Variants in AFDN observed in about 807,000 individuals in gnomAD.
AFDN encodes afadin, adherens junction formation factor, also known as afadin.
AFDN carries 68 observed loss-of-function variants against 216.6 expected under a neutral mutation model. That is an observed-to-expected ratio of 0.31 (90% CI 0.26 to 0.38). The LOEUF (loss-of-function observed/expected upper bound fraction) is 0.38, where lower values mean the gene tolerates loss of function less well. Ranked by LOEUF, AFDN falls within the 10% of genes least tolerant of loss-of-function variation. The pLI is 1.00. For synonymous variants in AFDN, 868 were observed against 853.7 expected (o/e 1.02, Z -0.29); for missense variants, 2,136 against 2,342.0 (o/e 0.91, Z 1.82).
chr6:167,907,204 T>G lies in AFDN; in HGVS notation c.1684T>G (p.Ser562Ala). 1 of 1,614,192 alleles carries G rather than the reference T, an allele frequency of 6.2e-7. No homozygotes were observed. Among genetic ancestry groups the G allele is most frequent in the Non-Finnish European group, 8.5e-7 (1 of 1,180,010 alleles). ...TTRLDSDRVS[S>A]ASSTAERGMV... ...TAGGCTGGACAGCGACAGAGTGTCGTCTGCCTCTAGCACAGCCGAGCGGGG... is the reference window on the plus strand; with the variant it reads ...TAGGCTGGACAGCGACAGAGTGTCGGCTGCCTCTAGCACAGCCGAGCGGGG... The change falls in exon 13 of 34, where the codon TCT becomes GCT. Residue 562 changes from serine to alanine, a missense_variant. Physicochemically the swap from Ser to Ala is moderately conservative, Grantham distance 99. Transcript: ENST00000683244.
chr6:167,905,979 C>T (rs1404908502), intron 12 of AFDN, among the ~76,000 whole-genome samples: 1 of 152,106 alleles, frequency 6.6e-6, no homozygotes, highest in African/African-American at 2.4e-5. Context: ...GTGGCGGGCG[C>T]CTGTAGCCCC....
chr6:167,963,222 T>G, intron 31 of AFDN: 1 of 1,065,072 alleles, frequency 9.4e-7, no homozygotes, highest in Non-Finnish European at 1.1e-6. Context: ...TTTCTCTCCA[T>G]ATCTCCCTTT....
chr6:167,910,999 G>C, intron 13 of AFDN, 102 bp from the exon 14 acceptor site: 2 of 903,314 alleles, frequency 2.2e-6, no homozygotes, highest in Non-Finnish European at 3.5e-6. Context: ...GGAAAGATTA[G>C]TATATAGATT....
chr6:167,907,780 AT>A (rs530489494), intron 13 of AFDN, among the ~76,000 whole-genome samples: 3,238 of 146,354 alleles, frequency 0.022, 53 homozygotes, highest in Non-Finnish European at 0.034. Flanking sequence ...TGGAGGATGA[AT>A]TTTTTTTTTT....
rs1441297818 is a variant in AFDN at position 167,888,440 on chromosome 6, T to C, written c.898-775T>C. Among the ~76,000 whole-genome samples the C allele has an allele frequency of 3.3e-5, 5 of 152,200 alleles. No homozygotes were observed. In the East Asian group the frequency reaches 7.7e-4, roughly 23 times the overall value. ...CTTCTTTTCTTATTCTCTCTAATCC[T>C]GTTTTGGTTCATGTTAGCAGTGTGT... On this transcript the variant is annotated intron_variant, in intron 6 of 33. Transcript: ENST00000683244.
In AFDN at chr6:167,865,895, C is replaced by T. The variant is rs540165255; in HGVS notation, c.301+1149C>T. On this transcript the variant is annotated intron_variant, in intron 2 of 33. Coordinates refer to ENST00000683244, the MANE Select transcript of AFDN (RefSeq NM_001386888.1). The stretch of plus-strand genomic sequence containing the variant: ...GTGGGATTTTCAGGTGTGACTAAAT[C>T]CTTTTTCCCTCAGTAGTATGTAAGT... Among the ~76,000 whole-genome samples the T allele has an allele frequency of 7.9e-5, 12 of 151,802 alleles. No homozygotes were observed. The South Asian group carries it at 2.5e-3, about 32-fold the overall frequency.
intron 1 of AFDN, chr6:167,864,303 A>G (rs1178965995): frequency 1.4e-6 from 1 of 699,392 alleles, no homozygotes; most frequent in South Asian, 1.4e-5. Context: ...AGCTGTTGAT[A>G]ACATCATCTA....
intron 3 of AFDN, among the ~76,000 whole-genome samples, chr6:167,871,702 C>T (rs1337361724): frequency 6.6e-6 from 1 of 152,204 alleles, no homozygotes; most frequent in Non-Finnish European, 1.5e-5. Context: ...TTTGCACAAA[C>T]ATAATACTTA....
chr6:167,841,813 A>G (rs1267153952), intron 1 of AFDN, among the ~76,000 whole-genome samples: 3 of 151,848 alleles, frequency 2.0e-5, no homozygotes, highest in South Asian at 2.1e-4. Flanking sequence ...TATTACTTCA[A>G]GAGCGCTCTG....
intron 23 of AFDN, among the ~76,000 whole-genome samples, chr6:167,928,039 G>C (rs769577775): frequency 1.3e-5 from 2 of 152,180 alleles, no homozygotes; most frequent in Non-Finnish European, 2.9e-5. Flanking sequence ...TTAAGAGTGT[G>C]GAGGTGGAAG....
At position 167,896,977 on chromosome 6, in the gene AFDN, G is replaced by T. The variant is rs751849123; in HGVS notation, c.1317+5G>T. On this transcript the variant is annotated splice_donor_5th_base_variant and intron_variant, in intron 10 of 33. Coordinates refer to ENST00000683244, the MANE Select transcript of AFDN (RefSeq NM_001386888.1). ...TTGGATGACAACTCTATCCAGGTAC[G>T]TAGTCTGAGCTTCCTGCTGCAACTC... is the stretch of plus-strand genomic sequence containing the variant. The T allele has an allele frequency of 8.9e-6, 14 of 1,570,678 alleles. No individual in the cohort carries two copies. The Middle Eastern group carries it at 5.0e-4, about 56-fold the overall frequency.
At chr6:167,828,010 C>T (rs1246513623) in intron 1 of AFDN, 2 of 152,220 alleles carry the variant, frequency 1.3e-5, no homozygotes, top group African/African-American at 2.4e-5. Context: ...GAGTCCAAGT[C>T]CACTAGGAAG....
intron 23 of AFDN, among the ~76,000 whole-genome samples, chr6:167,928,605 C>A (rs529857245): frequency 6.6e-6 from 1 of 152,332 alleles, no homozygotes; most frequent in South Asian, 2.1e-4. Context: ...AGCTCAGACG[C>A]TCAGGCACGG....
chr6:167,952,801 A>G (rs1302976341), intron 30 of AFDN, among the ~76,000 whole-genome samples: 32 of 152,388 alleles, frequency 2.1e-4, no homozygotes, highest in Admixed American at 2.0e-3. Flanking sequence ...GAATCTTCAC[A>G]GTAGTTGTAC....
intron 30 of AFDN, among the ~76,000 whole-genome samples, chr6:167,956,597 G>A (rs1796546630): frequency 6.6e-6 from 1 of 152,122 alleles, no homozygotes; most frequent in Admixed American, 6.5e-5. Context: ...ATCTCCACAT[G>A]GAGTCAAGTA....
chr6:167,938,005 T>C (rs761002824), intron 23 of AFDN, among the ~76,000 whole-genome samples: 30 of 152,194 alleles, frequency 2.0e-4, no homozygotes, highest in Non-Finnish European at 3.5e-4. Flanking sequence ...AAGAAGCTTC[T>C]AATGGAGTTG....
intron 1 of AFDN, among the ~76,000 whole-genome samples, chr6:167,854,110 C>T (rs1183477171): frequency 1.3e-5 from 2 of 151,890 alleles, no homozygotes; most frequent in Non-Finnish European, 2.9e-5. Flanking sequence ...TGGTTTCAAA[C>T]CTTCAGATTT....
intron 32 of AFDN, among the ~76,000 whole-genome samples, chr6:167,968,113 A>G (rs557281266): frequency 6.6e-6 from 1 of 152,366 alleles, no homozygotes; most frequent in Non-Finnish European, 1.5e-5. Context: ...GGAAGAAGCC[A>G]GTATCATTCT....
intron 6 of AFDN, among the ~76,000 whole-genome samples, chr6:167,888,737 A>T (rs866594415): frequency 1.3e-5 from 2 of 152,328 alleles, no homozygotes; most frequent in African/African-American, 4.8e-5. Flanking sequence ...ATTTAATCAT[A>T]AAGAGATTAT....
Sources: allele counts gnomAD v4.1 joint callset (sites outside exome capture counted in the v4.1 genomes callset), GRCh38; gene constraint gnomAD v4.1.1; transcripts MANE v1.5; gene names NCBI Gene and HGNC (gene_info 2026-07-23, HGNC 2026-07-21).